GABRB3: variants seen among roughly 807,000 people sequenced by gnomAD.
The protein encoded by GABRB3 is gamma-aminobutyric acid type A receptor subunit beta3.
Under a neutral mutation model 52.1 loss-of-function variants are expected in GABRB3, and 14 were observed. The ratio of observed to expected loss-of-function variants is 0.27; its 90% CI spans 0.18 to 0.42. GABRB3 has a LOEUF of 0.42. Among genes scored for constraint, GABRB3 ranks in the 10% least tolerant of loss-of-function variants. The pLI is 1.00. For missense variants in GABRB3, 307 were observed against 609.1 expected (o/e 0.50, Z 5.22); for synonymous variants, 260 against 232.3 (o/e 1.12, Z -1.08).
chr15:26,556,701 T>C (rs528370664), intron 8 of GABRB3, among the ~76,000 whole-genome samples: 3 of 152,284 alleles, frequency 2.0e-5, no homozygotes, highest in African/African-American at 4.8e-5. Context: ...ATGAATCAAT[T>C]ATTAGGTTAA....
chr15:26,667,368 G>A (rs564755155), intron 3 of GABRB3, among the ~76,000 whole-genome samples: 8 of 152,192 alleles, frequency 5.3e-5, no homozygotes, highest in African/African-American at 9.6e-5. Context: ...ATTTTCATCC[G>A]CCCCCTTTCA....
chr15:26,580,590 G>A (rs1351258754), intron 5 of GABRB3, 134 bp from the exon 6 acceptor site: 2 of 1,118,756 alleles, frequency 1.8e-6, no homozygotes, highest in East Asian at 2.4e-5. Flanking sequence ...CTTGTCTAGG[G>A]GAAGTGTCAT....
intron 3 of GABRB3, among the ~76,000 whole-genome samples, chr15:26,744,809 ATCC>A (rs34741786): frequency 0.42 from 63,509 of 151,934 alleles, 15,303 homozygotes; most frequent in Admixed American, 0.58. Flanking sequence ...TTCAAGTTAT[ATCC>A]TCAAGAAAAT....
chr15:26,556,393 C>T (rs774224350), intron 8 of GABRB3, among the ~76,000 whole-genome samples: 13 of 152,176 alleles, frequency 8.5e-5, no homozygotes, highest in Non-Finnish European at 1.3e-4. Context: ...GGACTTGCCA[C>T]GTGAAGAATG....
At chr15:26,654,535 G>A (rs1256597981) in intron 3 of GABRB3, among the ~76,000 whole-genome samples, 1 of 152,094 alleles carries the variant, frequency 6.6e-6, no homozygotes, top group Non-Finnish European at 1.5e-5. Context: ...CAGGAGGACT[G>A]CTTGAGGCCA....
chr15:26,682,423 A>G (rs1250864311), intron 3 of GABRB3, among the ~76,000 whole-genome samples: 3 of 152,212 alleles, frequency 2.0e-5, no homozygotes. Context: ...ATGAAATCTG[A>G]GCAGGGCCCG....
chr15:26,544,274 T>G lies in GABRB3; in HGVS notation c.*3519A>C, dbSNP rs566821646. Reference sequence around the variant, plus strand: ...AAACACCAATGGATTATCTACTAGATGCTGAAAATGAACACCTACAACTGC... The same window carrying G: ...AAACACCAATGGATTATCTACTAGAGGCTGAAAATGAACACCTACAACTGC... On this transcript the variant is annotated 3_prime_UTR_variant, in exon 9 of 9. Transcript: ENST00000311550. 1.2e-4 allele frequency: 18 copies of G among 152,564 alleles called. No individual in the cohort carries two copies. The allele number at this position is 152,564 out of a possible 1,614,324, so 9.5% of individuals were successfully genotyped here.
At chr15:26,602,182 T>C (rs1891613997) in intron 4 of GABRB3, among the ~76,000 whole-genome samples, 1 of 152,190 alleles carries the variant, frequency 6.6e-6, no homozygotes, top group Non-Finnish European at 1.5e-5. Context: ...TATATAATAA[T>C]AAAGGGGTCA....
chr15:26,630,487 T>C (rs754078698), intron 3 of GABRB3, among the ~76,000 whole-genome samples: 19 of 152,214 alleles, frequency 1.2e-4, no homozygotes, highest in Non-Finnish European at 2.4e-4. Flanking sequence ...ATCAAAATCA[T>C]TAGATAAGAT....
intron 3 of GABRB3, chr15:26,658,779 A>C (rs1595513629): frequency 6.6e-6 from 1 of 152,336 alleles, no homozygotes; most frequent in South Asian, 2.1e-4. Context: ...CCTCACCCAT[A>C]GTAATTGACA....
intron 3 of GABRB3, among the ~76,000 whole-genome samples, chr15:26,651,778 T>A (rs1370324050): frequency 2.0e-5 from 3 of 152,168 alleles, no homozygotes; most frequent in African/African-American, 4.8e-5. Context: ...TGGTACAGCA[T>A]CACATGGCAG....
intron 7 of GABRB3, among the ~76,000 whole-genome samples, chr15:26,565,660 T>C (rs1216174261): frequency 6.6e-6 from 1 of 152,198 alleles, no homozygotes; most frequent in East Asian, 1.9e-4. Context: ...AACGATTTAA[T>C]ACTGTAGAAG....
Position 26,547,431 on chromosome 15 carries a change from C to T in GABRB3, c.*362G>A. 4.5e-6 allele frequency: 2 copies of T among 444,410 alleles called. No individual in the cohort carries two copies. The highest frequency in any genetic ancestry group is 7.9e-6 in the Non-Finnish European group (2 of 252,920). The allele number at this position is 444,410 out of a possible 1,614,324, so 27.5% of individuals were successfully genotyped here. ...ATATTGTGTTTCACGCCCTCATTCT[C>T]AAGGCATAATATTTAGATGATACTT... On this transcript the variant is annotated 3_prime_UTR_variant, in exon 9 of 9. Transcript: ENST00000311550.
intron 3 of GABRB3, among the ~76,000 whole-genome samples, chr15:26,713,840 C>T (rs1889382378): frequency 6.6e-6 from 1 of 152,184 alleles, no homozygotes. Context: ...CCTCAGCAAA[C>T]CACACACCCT....
At chr15:26,742,561 A>G (rs980091065) in intron 3 of GABRB3, among the ~76,000 whole-genome samples, 2 of 152,218 alleles carry the variant, frequency 1.3e-5, no homozygotes, top group African/African-American at 4.8e-5. Flanking sequence ...CAACACCTTA[A>G]GTAGACTATC....
At chr15:26,701,308 G>T (rs1409528674) in intron 3 of GABRB3, among the ~76,000 whole-genome samples, 1 of 152,128 alleles carries the variant, frequency 6.6e-6, no homozygotes, top group Admixed American at 6.5e-5. Flanking sequence ...GAAAGGATGG[G>T]GCAACACTGT....
At chr15:26,732,560 C>CT (rs964665173) in intron 3 of GABRB3, among the ~76,000 whole-genome samples, 1 of 137,976 alleles carries the variant, frequency 7.2e-6, no homozygotes, top group African/African-American at 3.0e-5. Context: ...AGACCCCTTT[C>CT]TCCCAAAAAA....
chr15:26,674,564 T>C (rs1008819657), intron 3 of GABRB3, among the ~76,000 whole-genome samples: 8 of 151,836 alleles, frequency 5.3e-5, no homozygotes, highest in Admixed American at 2.6e-4. Flanking sequence ...ACTTGCGGCA[T>C]TGAAATTCTA....
chr15:26,769,345 T>C (rs1891081131), intron 3 of GABRB3, among the ~76,000 whole-genome samples: 1 of 152,230 alleles, frequency 6.6e-6, no homozygotes, highest in Non-Finnish European at 1.5e-5. Flanking sequence ...TATCCCTCAT[T>C]CATTCTACCT....
Sources: allele counts gnomAD v4.1 joint callset (sites outside exome capture counted in the v4.1 genomes callset), GRCh38; gene constraint gnomAD v4.1.1; transcripts MANE v1.5; gene names NCBI Gene and HGNC (gene_info 2026-07-23, HGNC 2026-07-21).